TENM3: variants seen among roughly 807,000 people sequenced by gnomAD.
TENM3 encodes the protein teneurin transmembrane protein 3.
In TENM3, 63 loss-of-function variants were observed where a neutral mutation model predicts 255.1. The ratio of observed to expected loss-of-function variants is 0.25; its 90% CI spans 0.20 to 0.30. TENM3 has a LOEUF of 0.30. Among genes scored for constraint, TENM3 ranks in the 10% least tolerant of loss-of-function variants. The pLI, the probability that TENM3 is intolerant of heterozygous loss-of-function variation, is 1.00. For synonymous variants in TENM3, 1,306 were observed against 1,322.3 expected, an observed-to-expected ratio of 0.99 and a Z score of 0.27; for missense variants, 2,929 against 3,461.1, an observed-to-expected ratio of 0.85 and a Z score of 3.86.
At chr4:182,671,534 T>C (rs981398475) in intron 6 of TENM3, among the ~76,000 whole-genome samples, 5 of 152,198 alleles carry the variant, frequency 3.3e-5, no homozygotes, top group African/African-American at 1.2e-4. Flanking sequence ...TACTCATATG[T>C]TGCTTTAGGG....
At chr4:182,740,044 A>G (rs1215795506) in intron 18 of TENM3, among the ~76,000 whole-genome samples, 1 of 152,200 alleles carries the variant, frequency 6.6e-6, no homozygotes, top group Non-Finnish European at 1.5e-5. Context: ...TCAAAAAACA[A>G]AAAAGGAAGA....
At chr4:181,579,249 C>T in the TENM3 span, among the ~76,000 whole-genome samples, 2 of 151,786 alleles carry the variant, frequency 1.3e-5, no homozygotes, top group African/African-American at 2.4e-5. Flanking sequence ...CATCAGGGTG[C>T]CCTCACCCCT....
intron 3 of TENM3, among the ~76,000 whole-genome samples, chr4:182,441,992 T>C (rs1772528175): frequency 6.6e-6 from 1 of 152,172 alleles, no homozygotes; most frequent in South Asian, 2.1e-4. Context: ...AAAGAGTATT[T>C]ACGGAGCTGA....
chr4:181,607,613 C>T, the TENM3 span, among the ~76,000 whole-genome samples: 4 of 151,914 alleles, frequency 2.6e-5, no homozygotes, highest in Non-Finnish European at 5.9e-5. Context: ...CCATGTTGGC[C>T]AGGATGGTCT....
At chr4:182,656,483 G>T (rs1753760068) in intron 6 of TENM3, among the ~76,000 whole-genome samples, 1 of 152,150 alleles carries the variant, frequency 6.6e-6, no homozygotes, top group Non-Finnish European at 1.5e-5. Context: ...GGAGGTAGCT[G>T]CAAACCGCTG....
At chr4:182,019,497 A>G in the TENM3 span, among the ~76,000 whole-genome samples, 1 of 152,176 alleles carries the variant, frequency 6.6e-6, no homozygotes, top group African/African-American at 2.4e-5. Context: ...ACAGAGACCA[A>G]TTCTCCCAGT....
At chr4:182,162,725 C>T (rs1487945393) in intron 1 of TENM3, among the ~76,000 whole-genome samples, 2 of 152,190 alleles carry the variant, frequency 1.3e-5, no homozygotes, top group African/African-American at 2.4e-5. Context: ...GCCTCAAATA[C>T]TGCATCCTCC....
the TENM3 span, among the ~76,000 whole-genome samples, chr4:182,057,408 C>CT: frequency 0.061 from 8,125 of 132,494 alleles, 328 homozygotes; most frequent in Middle Eastern, 0.12. Flanking sequence ...CTTTTCTTTT[C>CT]TTTTTTTTTT....
At chr4:182,609,493 T>TGC (rs1383199368) in intron 4 of TENM3, among the ~76,000 whole-genome samples, 1 of 152,218 alleles carries the variant, frequency 6.6e-6, no homozygotes. Flanking sequence ...TTCTTGGACA[T>TGC]GCAATTAACC....
At position 182,176,456 on chromosome 4, in the gene TENM3, A is replaced by G. The variant is rs138319757; in HGVS notation, c.-76+31702A>G. Among the ~76,000 whole-genome samples the G allele has an allele frequency of 3.9e-3, 590 of 152,356 alleles. 3 individuals are homozygous for G. The highest frequency in any genetic ancestry group is 0.013 in the African/African-American group (554 of 41,576). On this transcript the variant is annotated intron_variant, in intron 1 of 2. Transcript: ENST00000512480. ...AACATGTTGAAATCGTACCTGGTAC[A>G]TAACACTCAAGATGTGTTCATTATT... is the stretch of plus-strand genomic sequence containing the variant.
At chr4:182,161,229 A>T (rs1751134866) in intron 1 of TENM3, among the ~76,000 whole-genome samples, 1 of 140,796 alleles carries the variant, frequency 7.1e-6, no homozygotes, top group African/African-American at 2.6e-5. Context: ...ATCCTGGCTA[A>T]CACGGTGAAA....
chr4:182,544,352 G>A (rs1408214837), intron 3 of TENM3, among the ~76,000 whole-genome samples: 1 of 74,834 alleles, frequency 1.3e-5, no homozygotes, highest in African/African-American at 5.1e-5. Flanking sequence ...TTTTTTTTGA[G>A]ACTGAGTTTT....
the TENM3 span, among the ~76,000 whole-genome samples, chr4:182,078,527 CAAAACA>C: frequency 6.6e-6 from 1 of 151,008 alleles, no homozygotes; most frequent in Admixed American, 6.6e-5. Context: ...GCCTCAAAAA[CAAAACA>C]AAAACAAAAA....
At chr4:181,908,852 A>G in the TENM3 span, among the ~76,000 whole-genome samples, 1 of 152,214 alleles carries the variant, frequency 6.6e-6, no homozygotes, top group Non-Finnish European at 1.5e-5. Flanking sequence ...TACCTCAAAG[A>G]CAGAGCCATT....
chr4:182,318,551 G>A (rs1762875806), intron 1 of TENM3, among the ~76,000 whole-genome samples: 1 of 152,176 alleles, frequency 6.6e-6, no homozygotes, highest in Non-Finnish European at 1.5e-5. Flanking sequence ...CCATAAGGCA[G>A]GGATTGCCTG....
At chr4:182,757,311 CAAAAAAAAAAAAAAAAA>C (rs10571604) in intron 22 of TENM3, among the ~76,000 whole-genome samples, 3 of 53,608 alleles carry the variant, frequency 5.6e-5, no homozygotes, top group Non-Finnish European at 9.9e-5. Flanking sequence ...GACTCCGTCT[CAAAAAAAAAAAAAAAAA>C]AAAAAAAAAG....
chr4:181,981,945 T>C, the TENM3 span, among the ~76,000 whole-genome samples: 53 of 152,120 alleles, frequency 3.5e-4, 1 homozygote, highest in Non-Finnish European at 7.4e-5. Context: ...CTATTTAAGA[T>C]AACCCATAGC....
chr4:181,895,938 C>T, the TENM3 span, among the ~76,000 whole-genome samples: 1 of 152,136 alleles, frequency 6.6e-6, no homozygotes, highest in African/African-American at 2.4e-5. Flanking sequence ...CTGTTATATA[C>T]CCAAGCTTCC....
chr4:181,822,349 A>G, the TENM3 span, among the ~76,000 whole-genome samples: 1 of 152,184 alleles, frequency 6.6e-6, no homozygotes, highest in Non-Finnish European at 1.5e-5. Flanking sequence ...TGTAATGGAG[A>G]CTGCATAATT....
Sources: allele counts gnomAD v4.1 joint callset (sites outside exome capture counted in the v4.1 genomes callset), GRCh38; gene constraint gnomAD v4.1.1; transcripts MANE v1.5; gene names NCBI Gene and HGNC (gene_info 2026-07-23, HGNC 2026-07-21).